ZFAT: variants seen among roughly 807,000 people sequenced by gnomAD.
The protein encoded by ZFAT is zinc finger protein ZFAT.
ZFAT carries 64 observed loss-of-function variants against 117.7 expected under a neutral mutation model. The observed-to-expected ratio is 0.54, with a 90% confidence interval of 0.44 to 0.67. The LOEUF is 0.67. ZFAT is among the 30% of genes least tolerant of loss of function. The pLI, the probability that ZFAT is intolerant of heterozygous loss-of-function variation, is 0.00. For synonymous variants in ZFAT, 679 were observed against 615.0 expected, an observed-to-expected ratio of 1.10 and a Z score of -1.54; for missense variants, 1,433 against 1,584.5, an observed-to-expected ratio of 0.90 and a Z score of 1.62.
Position 134,708,470 on chromosome 8 carries a change from TAA to T in ZFAT, c.19+4373_19+4374del, listed in dbSNP as rs925590556. 8.5e-5 allele frequency among the ~76,000 whole-genome samples: 13 copies of T among 152,092 alleles called. No homozygotes were observed. The East Asian group carries it at 1.2e-3, about 13-fold the overall frequency. The stretch of plus-strand genomic sequence containing the variant: ...ATATGTCGTTACAGTTTTTTTAATT[TAA>T]AAAAAGATTATGTTACCCAATTTTA... On this transcript the variant is annotated intron_variant, in intron 1 of 15. Transcript: ENST00000377838.
intron 15 of ZFAT, among the ~76,000 whole-genome samples, chr8:134,495,914 A>G (rs770477205): frequency 2.6e-5 from 4 of 151,998 alleles, no homozygotes; most frequent in African/African-American, 4.8e-5. Flanking sequence ...TTGGTGACAG[A>G]GTGAGACCCT....
chr8:134,617,219 C>G (rs538761830), intron 3 of ZFAT, among the ~76,000 whole-genome samples: 1 of 152,156 alleles, frequency 6.6e-6, no homozygotes, highest in Non-Finnish European at 1.5e-5. Context: ...GCCATGAGAG[C>G]GTCCCATGCA....
intron 13 of ZFAT, among the ~76,000 whole-genome samples, chr8:134,518,216 C>T (rs1348265021): frequency 6.6e-6 from 1 of 152,080 alleles, no homozygotes; most frequent in African/African-American, 2.4e-5. Flanking sequence ...TTCCTTCTCC[C>T]ACATTTATTT....
At chr8:134,740,252 G>C in the ZFAT span, among the ~76,000 whole-genome samples, 1 of 152,162 alleles carries the variant, frequency 6.6e-6, no homozygotes, top group Non-Finnish European at 1.5e-5. Flanking sequence ...AGGAAGAGTG[G>C]CATCTGAACT....
At chr8:134,559,239 T>C (rs565763943) in intron 11 of ZFAT, among the ~76,000 whole-genome samples, 2 of 152,316 alleles carry the variant, frequency 1.3e-5, no homozygotes, top group East Asian at 3.9e-4. Flanking sequence ...CTGCAACAGG[T>C]TATGTTTCTT....
chr8:134,619,516 C>T (rs561571590), intron 3 of ZFAT, among the ~76,000 whole-genome samples: 2 of 152,244 alleles, frequency 1.3e-5, no homozygotes, highest in East Asian at 3.9e-4. Context: ...GAGTGGCTTG[C>T]CTGTCTATTT....
At chr8:134,511,476 T>C (rs1819838718) in intron 14 of ZFAT, among the ~76,000 whole-genome samples, 1 of 152,228 alleles carries the variant, frequency 6.6e-6, no homozygotes, top group Non-Finnish European at 1.5e-5. Context: ...AACACAGCCC[T>C]GTCCATTAAT....
In ZFAT at chr8:134,602,622, A is replaced by G. The variant is rs1272579936; in HGVS notation, c.1097T>C (p.Val366Ala). 1 of 1,614,134 alleles carries G rather than the reference A, an allele frequency of 6.2e-7. No individual in the cohort carries two copies. Among genetic ancestry groups the G allele is most frequent in the African/African-American group, 1.3e-5 (1 of 75,038 alleles). ...CRFCKKKYSD[V>A]KNLIKHIRDA... The stretch of plus-strand genomic sequence containing the variant: ...TCGGATGTGCTTGATGAGGTTCTTG[A>G]CGTCAGAGTACTTCTTCTTGCAGAA... Residue 366 changes from valine to alanine, a missense_variant, in exon 6 of 16, where the codon GTC (valine) becomes GCC (alanine). Physicochemically the swap from Val to Ala is moderately conservative, Grantham distance 64. Around this residue, in one of 5 missense-constraint regions of ZFAT, gnomAD observed 436 missense variants for 482.0 expected, o/e 0.90. Transcript: ENST00000377838.
chr8:134,628,040 TG>T (rs1415309821), intron 3 of ZFAT, among the ~76,000 whole-genome samples: 2 of 152,040 alleles, frequency 1.3e-5, no homozygotes, highest in Non-Finnish European at 2.9e-5. Context: ...GCTGGGAAGC[TG>T]AGCACAAGGG....
chr8:134,491,633 T>C (rs1393392935), intron 15 of ZFAT, among the ~76,000 whole-genome samples: 1 of 152,230 alleles, frequency 6.6e-6, no homozygotes, highest in Non-Finnish European at 1.5e-5. Flanking sequence ...GCTTGTGGCC[T>C]GCTTCCATCT....
At chr8:134,713,394 G>C (rs998540937), upstream of ZFAT, among the ~76,000 whole-genome samples, 1 of 152,182 alleles carries the variant, frequency 6.6e-6, no homozygotes, top group African/African-American at 2.4e-5. Context: ...ACCTAACTTG[G>C]GGCAGCGAAT....
the ZFAT span, among the ~76,000 whole-genome samples, chr8:134,781,093 G>C: frequency 6.6e-6 from 1 of 152,036 alleles, no homozygotes; most frequent in Admixed American, 6.6e-5. Context: ...GGTAGGGAAG[G>C]TATCATTAAA....
the ZFAT span, among the ~76,000 whole-genome samples, chr8:134,762,505 G>A: frequency 6.6e-6 from 1 of 152,160 alleles, no homozygotes; most frequent in Non-Finnish European, 1.5e-5. Flanking sequence ...TTGGCTTTCA[G>A]ACACCATCAT....
the ZFAT span, among the ~76,000 whole-genome samples, chr8:134,775,094 G>A: frequency 7.6e-4 from 115 of 152,152 alleles, no homozygotes; most frequent in African/African-American, 2.7e-3. Context: ...CTCCAGCCTG[G>A]GTGACAGAGA....
At chr8:134,601,437 GT>G in intron 6 of ZFAT, 39 bp downstream of exon 6, 1 of 1,562,448 alleles carries the variant, frequency 6.4e-7, no homozygotes, top group Non-Finnish European at 8.7e-7. Context: ...CAGCATGATG[GT>G]TGTGGACAGG....
chr8:134,490,711 G>A (rs1817990373), intron 15 of ZFAT, among the ~76,000 whole-genome samples: 1 of 152,204 alleles, frequency 6.6e-6, no homozygotes, highest in Admixed American at 6.5e-5. Flanking sequence ...TCTTCCTCAG[G>A]ATGGACACTG....
intron 12 of ZFAT, among the ~76,000 whole-genome samples, chr8:134,530,836 G>T (rs1036757824): frequency 1.3e-5 from 2 of 152,112 alleles, no homozygotes; most frequent in African/African-American, 4.8e-5. Context: ...CATTTACATT[G>T]TATTAGTTAT....
intron 15 of ZFAT, among the ~76,000 whole-genome samples, chr8:134,501,340 C>T (rs1340347994): frequency 6.6e-6 from 1 of 152,094 alleles, no homozygotes; most frequent in East Asian, 1.9e-4. Flanking sequence ...TCCATCGTGA[C>T]TCATTACACT....
the ZFAT span, among the ~76,000 whole-genome samples, chr8:134,721,509 C>A: frequency 1.2e-4 from 19 of 152,210 alleles, no homozygotes; most frequent in Admixed American, 2.6e-4. Flanking sequence ...AGTGCACATA[C>A]ATGATTCATC....
Sources: gnomAD v4.1 joint callset for allele counts (sites outside exome capture counted in the v4.1 genomes callset) on GRCh38, gnomAD v4.1.1 for gene constraint, gnomAD v4.1.1 regional missense constraint, MANE v1.5 for transcripts, NCBI Gene and HGNC (gene_info 2026-07-23, HGNC 2026-07-21) for gene names.